SLC4A2: variants seen among roughly 807,000 people sequenced by gnomAD.
SLC4A2 encodes the protein anion exchange protein 2.
SLC4A2 carries 36 observed loss-of-function variants against 115.0 expected under a neutral mutation model. The ratio of observed to expected loss-of-function variants is 0.31; its 90% CI spans 0.24 to 0.41. The LOEUF (loss-of-function observed/expected upper bound fraction) is 0.41. Among genes scored for constraint, SLC4A2 ranks in the 10% least tolerant of loss-of-function variants. The probability of loss-of-function intolerance (pLI) is 1.00; values close to 1 mark genes in which losing one functional copy is unlikely to be tolerated. For missense variants in SLC4A2, 1,252 were observed against 1,705.6 expected (o/e 0.73, Z 4.68); for synonymous variants, 708 against 708.3 (o/e 1.00, Z 0.01).
In SLC4A2 at chr7:151,076,448, C is replaced by A; in HGVS notation, c.*81C>A. 9.0e-7 allele frequency: 1 copy of A among 1,113,590 alleles called. No individual in the cohort carries two copies. The highest frequency in any genetic ancestry group is 1.2e-6 in the Non-Finnish European group (1 of 807,674). The allele number at this position is 1,113,590 out of a possible 1,614,324, so 69.0% of individuals were successfully genotyped here. On this transcript the variant is annotated 3_prime_UTR_variant, in exon 23 of 23. Coordinates refer to ENST00000413384, the MANE Select transcript of SLC4A2 (RefSeq NM_003040.4). ...GGGGTTCCCCCTCCCATGCCCCTCC[C>A]TCCTTTTTATTTAAGTGAATAATTT...
chr7:151,066,775 C>G lies in SLC4A2; in HGVS notation c.823+14C>G. 2 of 1,578,404 alleles carry G rather than the reference C, an allele frequency of 1.3e-6. No individual in the cohort carries two copies. The highest frequency in any genetic ancestry group is 1.7e-6 in the Non-Finnish European group (2 of 1,161,528). On this transcript the variant is annotated intron_variant, in intron 6 of 22. Transcript: ENST00000413384. ...ACCTCATGAAGAGTAAGTGCTGGGC[C>G]TTGGCCAAGCCCGGCACTGGTGGGC... is the stretch of plus-strand genomic sequence containing the variant.
intron 2 of SLC4A2, chr7:151,063,202 G>C: frequency 7.1e-7 from 1 of 1,416,188 alleles, no homozygotes; most frequent in Non-Finnish European, 9.2e-7. Flanking sequence ...GGGGGCTGTG[G>C]GGGTGGGGTG....
intron 16 of SLC4A2, 21 bp from the exon 17 acceptor site, chr7:151,074,018 C>T (rs759041807): frequency 5.8e-6 from 9 of 1,542,730 alleles, no homozygotes; most frequent in African/African-American, 2.7e-5. Flanking sequence ...TGATGGAGGC[C>T]GTGTGGCCTC....
Position 151,076,467 on chromosome 7 carries a change from ATAATT to A in SLC4A2, c.*104_*108del, listed in dbSNP as rs964847591. On this transcript the variant is annotated 3_prime_UTR_variant, in exon 23 of 23. Coordinates refer to ENST00000413384, the MANE Select transcript of SLC4A2 (RefSeq NM_003040.4). ...CCCTCCCTCCTTTTTATTTAAGTGA[ATAATT>A]TAAAGTCTTCTCCTCCCCCACTGCC... is the stretch of plus-strand genomic sequence containing the variant. 122 of 1,013,948 alleles carry A rather than the reference ATAATT, an allele frequency of 1.2e-4. No individual in the cohort carries two copies. Among genetic ancestry groups the A allele is most frequent in the Non-Finnish European group, 1.6e-4 (114 of 721,398 alleles). 62.8% of individuals were successfully genotyped at this position (1,013,948 alleles called of 1,614,324 possible). A position where few individuals can be genotyped will look rare whatever the true frequency, so the allele number is the denominator to read the frequency against.
intron 5 of SLC4A2, 87 bp downstream of exon 5, chr7:151,065,053 G>A (rs1345195497): frequency 2.1e-6 from 2 of 947,658 alleles, no homozygotes; most frequent in East Asian, 2.4e-5. Context: ...CATGAGCCTT[G>A]GAATCACCAG....
intron 2 of SLC4A2, chr7:151,063,154 G>T (rs750026717): frequency 8.6e-6 from 13 of 1,506,472 alleles, no homozygotes; most frequent in Middle Eastern, 2.0e-4. Flanking sequence ...CGGCTGTGCC[G>T]GCCGGCCGCT....
rs748786984 is a variant in SLC4A2, at chr7:151,075,595, G to A, written c.3302-11G>A. On this transcript the variant is annotated splice_polypyrimidine_tract_variant and intron_variant, in intron 20 of 22. Transcript: ENST00000413384. ...CCCCGGGGCCAACTCTTTCTCCTGCGCCTCCCGTAGGCCTCTCCATAGTTA... is the reference window on the plus strand; with the variant it reads ...CCCCGGGGCCAACTCTTTCTCCTGCACCTCCCGTAGGCCTCTCCATAGTTA... 148 of 1,586,594 alleles carry A rather than the reference G, an allele frequency of 9.3e-5. No homozygotes were observed. Among genetic ancestry groups the A allele is most frequent in the African/African-American group, 9.4e-5 (7 of 74,334 alleles).
Position 151,076,404 on chromosome 7 carries a change from G to C in SLC4A2, c.*37G>C, listed in dbSNP as rs533707524. 6.9e-7 allele frequency: 1 copy of C among 1,444,440 alleles called. No individual in the cohort carries two copies. The highest frequency in any genetic ancestry group is 2.5e-5 in the East Asian group (1 of 39,538). The allele number at this position is 1,444,440 out of a possible 1,614,324, so 89.5% of individuals were successfully genotyped here. ...GGACAGCCGAGGGACCGATGGACGA[G>C]GGGACAGGCTGGTGGGATGGGGTTC... On this transcript the variant is annotated 3_prime_UTR_variant, in exon 23 of 23. Coordinates refer to ENST00000413384, the MANE Select transcript of SLC4A2 (RefSeq NM_003040.4).
chr7:151,061,722 G>C, intron 1 of SLC4A2: 1 of 460,766 alleles, frequency 2.2e-6, no homozygotes, highest in South Asian at 4.3e-5. Context: ...GGCCCTTTTC[G>C]GCCCCCCTCG....
rs1472396150 is a variant in SLC4A2 at position 151,059,683 on chromosome 7, AGTC to A, written c.-138_-136del. The A allele has an allele frequency of 6.6e-6, 1 of 151,118 alleles. No individual in the cohort carries two copies. Among genetic ancestry groups the A allele is most frequent in the Non-Finnish European group, 1.5e-5 (1 of 67,434 alleles). 9.4% of individuals were successfully genotyped at this position (151,118 alleles called of 1,614,324 possible). On this transcript the variant is annotated 5_prime_UTR_variant, in exon 1 of 23. Coordinates refer to ENST00000413384, the MANE Select transcript of SLC4A2 (RefSeq NM_003040.4). The surrounding 1 kb of genome is among the most constrained non-coding windows in gnomAD (Gnocchi z 5.8). ...GCGCGCCCCGGGGTGGGCACGGGGCAGTCGTCGGGAGCGCGCGAGTGCGCCGGA... is the reference window on the plus strand; with the variant it reads ...GCGCGCCCCGGGGTGGGCACGGGGCAGTCGGGAGCGCGCGAGTGCGCCGGA...
chr7:151,073,958 C>T, intron 16 of SLC4A2, 81 bp from the exon 17 acceptor site: 8 of 1,438,034 alleles, frequency 5.6e-6, no homozygotes. Flanking sequence ...CTGCCCCACC[C>T]CTTCCACCCG....
Position 151,071,939 on chromosome 7 carries a change from C to T in SLC4A2, c.2341-3C>T. 6.2e-7 allele frequency: 1 copy of T among 1,613,778 alleles called. No homozygotes were observed. The highest frequency in any genetic ancestry group is 1.1e-5 in the South Asian group (1 of 91,052). On this transcript the variant is annotated splice_polypyrimidine_tract_variant and splice_region_variant and intron_variant, in intron 15 of 22. Coordinates refer to ENST00000413384, the MANE Select transcript of SLC4A2 (RefSeq NM_003040.4). The surrounding 1 kb of genome is among the most constrained non-coding windows in gnomAD (Gnocchi z 5.5). The stretch of plus-strand genomic sequence containing the variant: ...CTCAGGACCTGACTGCCCCTCCCTC[C>T]AGTTCTGTAGCAGCAACCACCTGGA...
intron 21 of SLC4A2, 34 bp from the exon 22 acceptor site, chr7:151,075,979 G>A: frequency 6.4e-7 from 1 of 1,551,810 alleles, no homozygotes; most frequent in Non-Finnish European, 8.7e-7. Context: ...GCAGGCTAGG[G>A]AGGAAGCTGG....
chr7:151,072,284 A>G (rs935097543), intron 16 of SLC4A2, 148 bp downstream of exon 16: 5 of 623,252 alleles, frequency 8.0e-6, no homozygotes, highest in African/African-American at 5.5e-5. Context: ...AGGGCTGCAG[A>G]TTACTCTTTT....
rs750110371 is a variant in SLC4A2 at position 151,066,595 on chromosome 7, G to A, written c.657G>A (p.Ser219=). The A allele has an allele frequency of 1.2e-5, 18 of 1,547,778 alleles. No individual in the cohort carries two copies. Among genetic ancestry groups the A allele is most frequent in the Middle Eastern group, 2.1e-4 (1 of 4,666 alleles). The part of the protein sequence containing the change: ...GTAGGDDGGA[S]GRPLPKAQPG... Reference sequence around the variant, plus strand: ...CAGGGGGTGACGACGGGGGTGCCTCGGGGCGCCCCCTGCCCAAAGCCCAGC... The same window carrying A: ...CAGGGGGTGACGACGGGGGTGCCTCAGGGCGCCCCCTGCCCAAAGCCCAGC... Residue 219 remains serine (S), a synonymous_variant, in exon 6 of 23, where the codon TCG becomes TCA. Coordinates refer to ENST00000413384, the MANE Select transcript of SLC4A2 (RefSeq NM_003040.4).
At chr7:151,062,927 G>C in intron 2 of SLC4A2, 1 of 1,397,642 alleles carries the variant, frequency 7.2e-7, no homozygotes, top group Non-Finnish European at 9.2e-7. Context: ...CCCTCCCCGC[G>C]CTCTTCCTTG....
chr7:151,062,448 CCCGCCCCTCCCTGCCCCCACGTGGCCA>C, intron 2 of SLC4A2: 1 of 1,083,426 alleles, frequency 9.2e-7, no homozygotes, highest in Admixed American at 3.4e-5. Context: ...GCCACCCAGG[CCCGCCCCTCCCTGCCCCCACGTGGCCA>C]CCGCTCCACA....
intron 2 of SLC4A2, chr7:151,062,773 G>A: frequency 1.5e-6 from 2 of 1,367,988 alleles, no homozygotes; most frequent in Non-Finnish European, 1.9e-6. Context: ...TGGGCGCTTA[G>A]GGGAGCCAGG....
chr7:151,070,275 G>A lies in SLC4A2; in HGVS notation c.1378G>A (p.Glu460Lys), dbSNP rs749981018. 4 of 1,613,822 alleles carry A rather than the reference G, an allele frequency of 2.5e-6. No individual in the cohort carries two copies. In the African/African-American group the frequency reaches 5.3e-5, roughly 22 times the overall value. ...LLGHHHGQGAESDPHVTEPLM... is the reference protein window; with the variant it reads ...LLGHHHGQGAKSDPHVTEPLM... Reference sequence around the variant, plus strand: ...GGGGCATCACCATGGTCAGGGGGCTGAGAGTGACCCCCACGTCACCGAGCC... The same window carrying A: ...GGGGCATCACCATGGTCAGGGGGCTAAGAGTGACCCCCACGTCACCGAGCC... Residue 460 changes from glutamate (E) to lysine (K), a missense_variant, in exon 10 of 23, where the codon GAG (glutamate) becomes AAG (lysine). By Grantham distance (56) the Glu-to-Lys change is moderately conservative (BLOSUM62 1). Transcript: ENST00000413384.
Sources: allele counts gnomAD v4.1 joint callset, GRCh38; gene constraint gnomAD v4.1.1; non-coding constraint Gnocchi (gnomAD v3.1); transcripts MANE v1.5; gene names NCBI Gene and HGNC (gene_info 2026-07-23, HGNC 2026-07-21).